PPP1R16A: variants seen among roughly 807,000 people sequenced by gnomAD.
The protein encoded by PPP1R16A is myosin phosphatase-targeting subunit 3.
In PPP1R16A, 39 loss-of-function variants were observed where a neutral mutation model predicts 46.6. That is an observed-to-expected ratio of 0.84 (90% CI 0.65 to 1.09). PPP1R16A has a LOEUF of 1.09. Ranked by LOEUF, PPP1R16A falls within the 50% of genes least tolerant of loss-of-function variation. PPP1R16A has a pLI of 0.00. For synonymous variants in PPP1R16A, 413 were observed against 321.5 expected, an observed-to-expected ratio of 1.28 and a Z score of -3.04; for missense variants, 798 against 735.6, an observed-to-expected ratio of 1.08 and a Z score of -0.98.
chr8:144,501,633 G>A lies in PPP1R16A; in HGVS notation c.1317G>A (p.Leu439=). 1 of 1,611,102 alleles carries A rather than the reference G, an allele frequency of 6.2e-7. No homozygotes were observed. Residue 439 remains leucine, a synonymous_variant, in exon 12 of 12, where the codon CTG becomes CTA. Coordinates refer to ENST00000435887, the MANE Select transcript of PPP1R16A (RefSeq NM_001329443.2). ...DRSVSYQLSP[L]DSTTPHTLVH... ...GTGTCTCCTACCAGCTGAGCCCCCT[G>A]GACAGCACCACCCCCCACACCCTGG...
Position 144,501,859 on chromosome 8 carries a change from G to A in PPP1R16A, c.1543G>A (p.Val515Met). The A allele has an allele frequency of 6.5e-7, 1 of 1,546,098 alleles. No individual in the cohort carries two copies. The highest frequency in any genetic ancestry group is 1.2e-5 in the South Asian group (1 of 84,214). The change falls in exon 12 of 12, where the codon GTG (valine) becomes ATG (methionine). Residue 515 changes from valine (V) to methionine (M), a missense_variant. Coordinates refer to ENST00000435887, the MANE Select transcript of PPP1R16A (RefSeq NM_001329443.2). Reference protein sequence around the residue: ...PPLLKLTAPAVEAPVERRPCC... With the variant: ...PPLLKLTAPAMEAPVERRPCC... ...CCTGCTCAAGCTCACAGCCCCGGCGGTGGAGGCTCCCGTGGAGAGGAGGCC... is the reference window on the plus strand; with the variant it reads ...CCTGCTCAAGCTCACAGCCCCGGCGATGGAGGCTCCCGTGGAGAGGAGGCC...
rs945805541 is a variant in PPP1R16A, at chr8:144,483,329, C to T, written c.-914+5202C>T. 3.3e-5 allele frequency among the ~76,000 whole-genome samples: 5 copies of T among 152,218 alleles called. No homozygotes were observed. In the South Asian group the frequency reaches 1.0e-3, roughly 32 times the overall value. On this transcript the variant is annotated intron_variant, in intron 1 of 11. Transcript: ENST00000435887. The stretch of plus-strand genomic sequence containing the variant: ...AAGGCTTTCCTCCTGTTTCATGCAT[C>T]ATCAGTCTCCTTCATCACGTGAATT...
At chr8:144,490,885 A>G (rs1304301459) in intron 2 of PPP1R16A, among the ~76,000 whole-genome samples, 1 of 151,862 alleles carries the variant, frequency 6.6e-6, no homozygotes, top group East Asian at 1.9e-4. Context: ...GGAGACCCCA[A>G]CTCCACACAC....
intron 2 of PPP1R16A, among the ~76,000 whole-genome samples, chr8:144,494,002 G>T (rs1410809407): frequency 6.6e-6 from 1 of 152,148 alleles, no homozygotes; most frequent in Non-Finnish European, 1.5e-5. Flanking sequence ...GATGTGCCTC[G>T]GAATGAGAAA....
At position 144,500,859 on chromosome 8, in the gene PPP1R16A, G is replaced by C; in HGVS notation, c.925G>C (p.Glu309Gln). 6.4e-7 allele frequency: 1 copy of C among 1,572,336 alleles called. No individual in the cohort carries two copies. The highest frequency in any genetic ancestry group is 8.6e-7 in the Non-Finnish European group (1 of 1,160,644). ...CTTCTCAGATGTGTGCGGGGACGAG[G>C]AGGTGCGGGCCAAGCTGCTGGAGCT... ...ETPLDVCGDE[E>Q]VRAKLLELKH... The change falls in exon 10 of 12, where the codon GAG becomes CAG. Residue 309 changes from glutamate (E) to glutamine (Q), a missense_variant. Transcript: ENST00000435887.
intron 11 of PPP1R16A, 56 bp from the exon 12 acceptor site, chr8:144,501,464 A>G (rs1826467739): frequency 6.7e-7 from 1 of 1,486,516 alleles, no homozygotes; most frequent in Non-Finnish European, 9.0e-7. Flanking sequence ...CCTGAACCCA[A>G]GGCCAGGGAG....
intron 5 of PPP1R16A, chr8:144,499,736 C>T: frequency 3.8e-6 from 1 of 266,596 alleles, no homozygotes. Context: ...GGCCATGCTC[C>T]CCACAGCTCA....
chr8:144,492,586 CGG>C (rs1825862236), intron 2 of PPP1R16A, among the ~76,000 whole-genome samples: 1 of 152,112 alleles, frequency 6.6e-6, no homozygotes, highest in Admixed American at 6.5e-5. Context: ...CTGCCCACCT[CGG>C]CCTCCCAAAG....
At chr8:144,482,168 G>T (rs1453510405) in intron 1 of PPP1R16A, among the ~76,000 whole-genome samples, 1 of 152,072 alleles carries the variant, frequency 6.6e-6, no homozygotes, top group Non-Finnish European at 1.5e-5. Flanking sequence ...GGCCTCCCGG[G>T]TTCAAGCGAT....
rs575742237 is a variant in PPP1R16A at position 144,492,527 on chromosome 8, G to T, written c.-735+2315G>T. Among the ~76,000 whole-genome samples the T allele has an allele frequency of 4.1e-3, 620 of 152,096 alleles. 6 individuals carry two copies. Among genetic ancestry groups the T allele is most frequent in the African/African-American group, 0.014 (599 of 41,506 alleles). ...ATTTTTTGTATTTTTAGTAGAGATG[G>T]GGTTTTACCTTGTTAGCAAGGATGG... On this transcript the variant is annotated intron_variant, in intron 2 of 11. Transcript: ENST00000435887.
At chr8:144,491,761 T>C (rs1212011816) in intron 2 of PPP1R16A, among the ~76,000 whole-genome samples, 2 of 135,072 alleles carry the variant, frequency 1.5e-5, no homozygotes, top group Admixed American at 7.3e-5. Flanking sequence ...AGACTCTGTT[T>C]CAAAAAAAAA....
In PPP1R16A at chr8:144,497,377, A is replaced by G; in HGVS notation, c.183A>G (p.Gln61=). The G allele has an allele frequency of 6.2e-7, 1 of 1,613,036 alleles. No individual in the cohort carries two copies. Residue 61 remains glutamine, a synonymous_variant, in exon 3 of 12, where the codon CAA becomes CAG. Transcript: ENST00000435887. The stretch of plus-strand genomic sequence containing the variant: ...GTCCCCGGAAGGAGGCAGCCAGCCA[A>G]GGGCTCCTGAAGCAGGTCCTCTTCC... The part of the protein sequence containing the change: ...GERPRKEAAS[Q]GLLKQVLFPP...
At chr8:144,488,762 A>C in intron 1 of PPP1R16A, among the ~76,000 whole-genome samples, 1 of 151,986 alleles carries the variant, frequency 6.6e-6, no homozygotes, top group East Asian at 1.9e-4. Flanking sequence ...TGGGATGCTC[A>C]GGGAGAGGAT....
rs990292573 is a variant in PPP1R16A, at chr8:144,502,012, T to G, written c.*109T>G. 3 of 1,139,726 alleles carry G rather than the reference T, an allele frequency of 2.6e-6. No individual in the cohort carries two copies. Among genetic ancestry groups the G allele is most frequent in the Non-Finnish European group, 3.6e-6 (3 of 831,884 alleles). The allele number at this position is 1,139,726 out of a possible 1,614,324, so 70.6% of individuals were successfully genotyped here. A position where few individuals can be genotyped will look rare whatever the true frequency, so the allele number is the denominator to read the frequency against. On this transcript the variant is annotated 3_prime_UTR_variant, in exon 12 of 12. Transcript: ENST00000435887. ...GCAGCACGGAAACCCCGGCTTCTAC[T>G]GTACAGGACACTGGCCCCTCTCAGG... is the stretch of plus-strand genomic sequence containing the variant.
chr8:144,497,701 G>A, intron 3 of PPP1R16A: 1 of 637,824 alleles, frequency 1.6e-6, no homozygotes, highest in Non-Finnish European at 2.9e-6. Flanking sequence ...GCATGCAGAG[G>A]GCTCCTGCTG....
rs1000462056 is a variant in PPP1R16A, at chr8:144,501,501, G to C, written c.1204-19G>C. On this transcript the variant is annotated intron_variant, in intron 11 of 11. Coordinates refer to ENST00000435887, the MANE Select transcript of PPP1R16A (RefSeq NM_001329443.2). ...GGGGAGGAGCCTCCTGATGGCTCTGGGACCTTCACTGCCCGCAGGAGGACA... is the reference window on the plus strand; with the variant it reads ...GGGGAGGAGCCTCCTGATGGCTCTGCGACCTTCACTGCCCGCAGGAGGACA... The C allele has an allele frequency of 4.6e-6, 7 of 1,522,592 alleles. No individual in the cohort carries two copies. Among genetic ancestry groups the C allele is most frequent in the South Asian group, 1.3e-5 (1 of 78,108 alleles). The allele number at this position is 1,522,592 out of a possible 1,614,324, so 94.3% of individuals were successfully genotyped here.
At chr8:144,492,421 C>T (rs550267513) in intron 2 of PPP1R16A, among the ~76,000 whole-genome samples, 13 of 151,636 alleles carry the variant, frequency 8.6e-5, no homozygotes, top group East Asian at 1.9e-4. Context: ...GTGCAAGCTC[C>T]GCCTCCTGGA....
In PPP1R16A at chr8:144,498,906, C is replaced by T. The variant is rs370170878; in HGVS notation, c.331-10C>T. The T allele has an allele frequency of 1.7e-5, 27 of 1,612,644 alleles. No individual in the cohort carries two copies. Among genetic ancestry groups the T allele is most frequent in the Admixed American group, 8.3e-5 (5 of 59,998 alleles). On this transcript the variant is annotated splice_polypyrimidine_tract_variant and intron_variant, in intron 4 of 11. Transcript: ENST00000435887. Reference sequence around the variant, plus strand: ...CCGTGCTCTGGTCGCTCACGTGGCACGGTTTGCAGTGCTGCATTGATGATT... The same window carrying T: ...CCGTGCTCTGGTCGCTCACGTGGCATGGTTTGCAGTGCTGCATTGATGATT...
chr8:144,491,277 T>G (rs1825802871), intron 2 of PPP1R16A, among the ~76,000 whole-genome samples: 1 of 152,096 alleles, frequency 6.6e-6, no homozygotes, highest in Non-Finnish European at 1.5e-5. Context: ...ATCTAGGTAT[T>G]TTCCCATTTT....
Sources: gnomAD v4.1 joint callset for allele counts (sites outside exome capture counted in the v4.1 genomes callset) on GRCh38, gnomAD v4.1.1 for gene constraint, MANE v1.5 for transcripts, NCBI Gene and HGNC (gene_info 2026-07-23, HGNC 2026-07-21) for gene names.